The following ACMSD variants were observed in gnomAD, a reference collection of about 807,000 sequenced individuals.
ACMSD encodes 2-amino-3-carboxymuconate-6-semialdehyde decarboxylase.
ACMSD carries 37 observed loss-of-function variants against 45.9 expected under a neutral mutation model. The observed-to-expected ratio is 0.81, with a 90% CI of 0.62 to 1.06. The LOEUF is 1.06. Ranked by LOEUF, ACMSD falls within the 50% of genes least tolerant of loss-of-function variation. The pLI is 0.00. For synonymous variants in ACMSD, 138 were observed against 148.8 expected (o/e 0.93, Z 0.53); for missense variants, 434 against 420.9 (o/e 1.03, Z -0.27).
At chr2:134,878,587 A>T (rs1688876836) in intron 8 of ACMSD, among the ~76,000 whole-genome samples, 1 of 152,164 alleles carries the variant, frequency 6.6e-6, no homozygotes, top group African/African-American at 2.4e-5. Context: ...TCAGCCTCCC[A>T]AAGTGCTGGG....
intron 2 of ACMSD, among the ~76,000 whole-genome samples, chr2:134,846,127 C>G (rs1270180783): frequency 6.6e-6 from 1 of 152,096 alleles, no homozygotes; most frequent in Non-Finnish European, 1.5e-5. Context: ...GGCAGGGAGG[C>G]TTGCCCAGGG....
At chr2:134,844,859 T>C (rs1375098212) in intron 1 of ACMSD, among the ~76,000 whole-genome samples, 2 of 152,214 alleles carry the variant, frequency 1.3e-5, no homozygotes, top group Non-Finnish European at 2.9e-5. Context: ...CAACCCACAG[T>C]TTGAAAAGCA....
intron 8 of ACMSD, among the ~76,000 whole-genome samples, chr2:134,874,311 T>C (rs1051800918): frequency 3.3e-5 from 5 of 152,238 alleles, no homozygotes; most frequent in Non-Finnish European, 7.3e-5. Flanking sequence ...TGTGACCTTA[T>C]TTTATGTGAT....
At chr2:134,887,901 G>A (rs983519538) in intron 8 of ACMSD, among the ~76,000 whole-genome samples, 1 of 152,180 alleles carries the variant, frequency 6.6e-6, no homozygotes, top group African/African-American at 2.4e-5. Flanking sequence ...AAACAAAAAA[G>A]CTAAAACAGT....
chr2:134,872,139 A>G (rs747664744), intron 7 of ACMSD, among the ~76,000 whole-genome samples: 2 of 151,968 alleles, frequency 1.3e-5, no homozygotes, highest in Non-Finnish European at 2.9e-5. Context: ...TTGTATTTTT[A>G]GTAGAGGTGG....
chr2:134,868,287 A>T (rs1405004067), intron 6 of ACMSD, among the ~76,000 whole-genome samples: 1 of 152,114 alleles, frequency 6.6e-6, no homozygotes, highest in Non-Finnish European at 1.5e-5. Context: ...ACGAAAGGGT[A>T]GAGGAGAAAG....
At chr2:134,864,359 A>G (rs975803206) in intron 5 of ACMSD, among the ~76,000 whole-genome samples, 2 of 152,218 alleles carry the variant, frequency 1.3e-5, no homozygotes, top group African/African-American at 4.8e-5. Flanking sequence ...AAAATACAGA[A>G]AAGTATAAAG....
chr2:134,860,160 G>A (rs887408538), intron 3 of ACMSD, among the ~76,000 whole-genome samples: 1 of 152,202 alleles, frequency 6.6e-6, no homozygotes, highest in African/African-American at 2.4e-5. Flanking sequence ...ATGCTCAGGA[G>A]ACAAAGGCAC....
At chr2:134,874,726 C>T (rs1259552131) in intron 8 of ACMSD, among the ~76,000 whole-genome samples, 1 of 152,090 alleles carries the variant, frequency 6.6e-6, no homozygotes, top group Non-Finnish European at 1.5e-5. Context: ...AAAAAATCTA[C>T]ATGAGGGCAG....
At chr2:134,841,086 C>T (rs1466102271) in intron 1 of ACMSD, among the ~76,000 whole-genome samples, 3 of 152,246 alleles carry the variant, frequency 2.0e-5, no homozygotes, top group African/African-American at 7.2e-5. Flanking sequence ...AGCTGATACA[C>T]TTCATCATCA....
chr2:134,890,181 C>T (rs1689696531), intron 8 of ACMSD, among the ~76,000 whole-genome samples: 1 of 152,000 alleles, frequency 6.6e-6, no homozygotes, highest in Non-Finnish European at 1.5e-5. Context: ...CAAACACCAA[C>T]TTAACTAAAT....
chr2:134,850,443 T>C (rs1687284033), intron 2 of ACMSD, among the ~76,000 whole-genome samples: 1 of 152,018 alleles, frequency 6.6e-6, no homozygotes, highest in South Asian at 2.1e-4. Context: ...TAATTTTGTA[T>C]TTTTAGTAGA....
intron 2 of ACMSD, among the ~76,000 whole-genome samples, chr2:134,855,594 C>T (rs1687545250): frequency 6.6e-6 from 1 of 152,196 alleles, no homozygotes; most frequent in Non-Finnish European, 1.5e-5. Flanking sequence ...GCATGGTCAA[C>T]GGAGGATCAG....
At chr2:134,842,670 G>T (rs1362657528) in intron 1 of ACMSD, among the ~76,000 whole-genome samples, 2 of 152,074 alleles carry the variant, frequency 1.3e-5, no homozygotes, top group Non-Finnish European at 2.9e-5. Context: ...CATGAATGAA[G>T]CCTTGTCCAC....
intron 8 of ACMSD, among the ~76,000 whole-genome samples, chr2:134,885,113 T>A (rs183706748): frequency 2.7e-5 from 4 of 149,702 alleles, no homozygotes; most frequent in Admixed American, 2.0e-4. Flanking sequence ...AGAGGATCAC[T>A]TGAGCCTCGG....
At chr2:134,887,737 C>A (rs187893006) in intron 8 of ACMSD, among the ~76,000 whole-genome samples, 2 of 152,258 alleles carry the variant, frequency 1.3e-5, no homozygotes, top group East Asian at 1.9e-4. Flanking sequence ...TCAATTAATT[C>A]TTGACAGAGA....
Position 134,863,170 on chromosome 2 carries a change from T to C in ACMSD, c.250-225T>C, listed in dbSNP as rs987811092. ...TTCCCTTCTGATTCTGGCCTCAATT[T>C]TTCCAATGAATCAGCAATATACCTG... On this transcript the variant is annotated intron_variant, in intron 4 of 9. Transcript: ENST00000356140. 9.0e-6 allele frequency: 6 copies of C among 664,652 alleles called. No homozygotes were observed. The African/African-American group carries it at 1.2e-4, about 13-fold the overall frequency. The allele number at this position is 664,652 out of a possible 1,614,324, so 41.2% of individuals were successfully genotyped here. A position where few individuals can be genotyped will look rare whatever the true frequency, so the allele number is the denominator to read the frequency against.
chr2:134,859,588 T>A, intron 3 of ACMSD: 1 of 388,264 alleles, frequency 2.6e-6, no homozygotes, highest in Non-Finnish European at 4.6e-6. Context: ...GAATGCTATA[T>A]CATGAAAAAG....
chr2:134,870,387 C>T (rs1050211252), intron 6 of ACMSD, among the ~76,000 whole-genome samples: 5 of 152,218 alleles, frequency 3.3e-5, no homozygotes, highest in African/African-American at 1.2e-4. Context: ...ATGCCAGGTG[C>T]TGTCTGCCAA....
Sources: allele counts gnomAD v4.1 joint callset (sites outside exome capture counted in the v4.1 genomes callset), GRCh38; gene constraint gnomAD v4.1.1; transcripts MANE v1.5; gene names NCBI Gene and HGNC (gene_info 2026-07-23, HGNC 2026-07-21).